The following CPNE4 variants were observed in gnomAD, a reference collection of about 807,000 sequenced individuals.
CPNE4 encodes copine 4, also known as copine-4.
A neutral mutation model predicts 67.9 loss-of-function variants in CPNE4; 25 were observed. The ratio of observed to expected loss-of-function variants is 0.37; its 90% CI spans 0.27 to 0.51. CPNE4 has a LOEUF of 0.51. Ranked by LOEUF, CPNE4 falls within the 20% of genes least tolerant of loss-of-function variation. CPNE4 has a pLI of 0.93. For synonymous variants in CPNE4, 242 were observed against 244.9 expected (o/e 0.99, Z 0.11); for missense variants, 464 against 690.8 (o/e 0.67, Z 3.68).
intron 1 of CPNE4, among the ~76,000 whole-genome samples, chr3:132,000,141 A>G (rs900315353): frequency 6.6e-6 from 1 of 152,016 alleles, no homozygotes; most frequent in African/African-American, 2.4e-5. Context: ...ATATGAACTA[A>G]TCAGAGAACA....
At chr3:131,828,722 A>T (rs1347666810) in intron 2 of CPNE4, among the ~76,000 whole-genome samples, 3 of 152,112 alleles carry the variant, frequency 2.0e-5, no homozygotes, top group Non-Finnish European at 2.9e-5. Flanking sequence ...GATCATAGCC[A>T]CTTGGGAGCC....
intron 1 of CPNE4, among the ~76,000 whole-genome samples, chr3:132,003,847 A>T (rs1269769345): frequency 6.6e-6 from 1 of 152,112 alleles, no homozygotes; most frequent in Non-Finnish European, 1.5e-5. Context: ...AAGGCTGCTG[A>T]CAGCTAGGGG....
At chr3:131,830,796 G>A (rs1032482945) in intron 2 of CPNE4, among the ~76,000 whole-genome samples, 5 of 152,006 alleles carry the variant, frequency 3.3e-5, no homozygotes, top group African/African-American at 9.7e-5. Flanking sequence ...CATCCCAGGT[G>A]TCCAATGCTT....
intron 1 of CPNE4, among the ~76,000 whole-genome samples, chr3:131,938,421 AG>A (rs1171123497): frequency 6.8e-6 from 1 of 146,614 alleles, no homozygotes; most frequent in Non-Finnish European, 1.5e-5. Context: ...TCCAACAATT[AG>A]GGAGACTTAA....
chr3:131,629,383 A>G (rs1043114358), intron 7 of CPNE4, among the ~76,000 whole-genome samples: 1 of 136,380 alleles, frequency 7.3e-6, no homozygotes, highest in African/African-American at 3.6e-5. Flanking sequence ...AAATTAAGGT[A>G]TGTTCATCTT....
chr3:132,024,411 G>A (rs959149723), intron 1 of CPNE4, among the ~76,000 whole-genome samples: 13 of 152,092 alleles, frequency 8.5e-5, no homozygotes, highest in East Asian at 1.9e-4. Flanking sequence ...TATTAAGAGT[G>A]TAAAGCACCC....
chr3:131,711,656 C>T (rs2081560937), intron 3 of CPNE4, among the ~76,000 whole-genome samples: 2 of 152,132 alleles, frequency 1.3e-5, no homozygotes, highest in Admixed American at 6.5e-5. Flanking sequence ...TAATTCATAC[C>T]CGGCCTCATT....
intron 14 of CPNE4, among the ~76,000 whole-genome samples, chr3:131,545,715 C>T (rs964497824): frequency 6.6e-6 from 1 of 152,136 alleles, no homozygotes; most frequent in African/African-American, 2.4e-5. Flanking sequence ...ATTTTGCTAA[C>T]TGCATTTCAA....
intron 7 of CPNE4, among the ~76,000 whole-genome samples, chr3:131,600,579 C>A (rs930710847): frequency 3.3e-5 from 5 of 152,132 alleles, no homozygotes; most frequent in Non-Finnish European, 5.9e-5. Flanking sequence ...TGAGTTTGTG[C>A]ACAGTCATCC....
At chr3:131,836,184 A>C in intron 2 of CPNE4, among the ~76,000 whole-genome samples, 1 of 152,132 alleles carries the variant, frequency 6.6e-6, no homozygotes, top group East Asian at 1.9e-4. Context: ...TGAGAGTTGA[A>C]CCATGCCCTT....
intron 1 of CPNE4, among the ~76,000 whole-genome samples, chr3:131,968,194 T>C (rs1400351964): frequency 6.6e-6 from 1 of 152,166 alleles, no homozygotes; most frequent in Non-Finnish European, 1.5e-5. Context: ...TTACACCTTA[T>C]ACAAAAATTA....
chr3:131,658,548 T>A (rs907698616), intron 7 of CPNE4, among the ~76,000 whole-genome samples: 2 of 152,196 alleles, frequency 1.3e-5, no homozygotes, highest in Non-Finnish European at 2.9e-5. Context: ...AATTTGCTCT[T>A]TCTTGATATT....
chr3:131,723,680 G>T, intron 2 of CPNE4, 55 bp from the exon 3 acceptor site: 2 of 1,481,874 alleles, frequency 1.3e-6, no homozygotes, highest in South Asian at 1.2e-5. Flanking sequence ...TATTATTACC[G>T]TTCAAGAAAA....
chr3:131,745,086 A>G (rs1266848959), intron 2 of CPNE4, among the ~76,000 whole-genome samples: 1 of 152,154 alleles, frequency 6.6e-6, no homozygotes, highest in African/African-American at 2.4e-5. Flanking sequence ...CAAATCTCCA[A>G]CAGCATTTGC....
At chr3:131,761,210 C>CTTTTTTTT (rs151161125) in intron 2 of CPNE4, among the ~76,000 whole-genome samples, 43 of 119,480 alleles carry the variant, frequency 3.6e-4, no homozygotes, top group Admixed American at 1.8e-4. Context: ...TCACTTCGTA[C>CTTTTTTTT]TTTTTTTTTT....
intron 1 of CPNE4, among the ~76,000 whole-genome samples, chr3:131,922,189 T>C (rs976424385): frequency 1.3e-4 from 20 of 152,210 alleles, no homozygotes; most frequent in African/African-American, 4.8e-4. Context: ...TTTCTGTTCC[T>C]ACATTAATTC....
Position 131,656,702 on chromosome 3 carries a change from G to A in CPNE4, c.681+12973C>T, listed in dbSNP as rs187497865. Among the ~76,000 whole-genome samples, 41 of 152,286 alleles carry A rather than the reference G, an allele frequency of 2.7e-4. 1 individual carries two copies. The Middle Eastern group carries it at 0.02, about 76-fold the overall frequency. On this transcript the variant is annotated intron_variant, in intron 7 of 15. Transcript: ENST00000429747. ...CCTTGGCACTTATATTTCAGTAGAG[G>A]ACTCAAACTATAAACATGTAAACAA... is the stretch of plus-strand genomic sequence containing the variant.
chr3:131,795,880 C>T (rs116316098), intron 2 of CPNE4, among the ~76,000 whole-genome samples: 4,271 of 152,238 alleles, frequency 0.028, 211 homozygotes, highest in African/African-American at 0.096. Context: ...CCCTTTTCTC[C>T]TCCCTTGAAG....
At position 131,955,429 on chromosome 3, in the gene CPNE4, T is replaced by TTTTTTTTTTTTTTTTTTTTTTTTC. The variant is rs57945572; in HGVS notation, c.-1-49986_-1-49985insGAAAAAAAAAAAAAAAAAAAAAAA. On this transcript the variant is annotated intron_variant, in intron 1 of 15. Coordinates refer to ENST00000429747, the MANE Select transcript of CPNE4 (RefSeq NM_130808.3). ...TGTAAGGTTTTTTTTTTTTTTTTTT[T>TTTTTTTTTTTTTTTTTTTTTTTTC]TTTTTGTATGCTTTCTACATTCCCT... Among the ~76,000 whole-genome samples, 7 of 136,714 alleles carry TTTTTTTTTTTTTTTTTTTTTTTTC rather than the reference T, an allele frequency of 5.1e-5. 1 individual carries two copies. The highest frequency in any genetic ancestry group is 2.0e-4 in the African/African-American group (7 of 34,944). The allele number at this position is 136,714 out of a possible 152,430, so 89.7% of individuals were successfully genotyped here. A position where few individuals can be genotyped will look rare whatever the true frequency, so the allele number is the denominator to read the frequency against.
Sources: gnomAD v4.1 joint callset for allele counts (sites outside exome capture counted in the v4.1 genomes callset) on GRCh38, gnomAD v4.1.1 for gene constraint, MANE v1.5 for transcripts, NCBI Gene and HGNC (gene_info 2026-07-23, HGNC 2026-07-21) for gene names.